The following NEXMIF variants were observed in gnomAD, a reference collection of about 807,000 sequenced individuals.
The protein encoded by NEXMIF is neurite extension and migration factor.
In NEXMIF, 8 loss-of-function variants were observed where a neutral mutation model predicts 62.1. That is an observed-to-expected ratio of 0.13 (90% confidence interval 0.08 to 0.23). NEXMIF has a LOEUF of 0.23. Among genes scored for constraint, NEXMIF ranks in the 10% least tolerant of loss-of-function variants. The pLI is 1.00. For synonymous variants in NEXMIF, 404 were observed against 416.6 expected, an observed-to-expected ratio of 0.97 and a Z score of 0.37; for missense variants, 976 against 1,113.3, an observed-to-expected ratio of 0.88 and a Z score of 1.75.
At chrX:74,852,262 G>T (rs1489010152) in intron 1 of NEXMIF, among the ~76,000 whole-genome samples, 3 of 111,530 alleles carry the variant, frequency 2.7e-5, no homozygotes, top group Admixed American at 9.5e-5. Context: ...TTCAGCAAGA[G>T]AATATAACAA....
At chrX:74,856,597 A>C (rs1018869712) in intron 1 of NEXMIF, among the ~76,000 whole-genome samples, 2 of 111,713 alleles carry the variant, frequency 1.8e-5, no homozygotes, top group African/African-American at 6.5e-5. Context: ...AGGGCAGAGC[A>C]AGATGGCTGA....
At chrX:74,846,541 T>C (rs1386110811) in intron 1 of NEXMIF, among the ~76,000 whole-genome samples, 2 of 112,217 alleles carry the variant, frequency 1.8e-5, no homozygotes, top group Non-Finnish European at 3.8e-5. Context: ...CATATGAGAA[T>C]GACAGAAGAA....
At chrX:74,816,762 A>T (rs1320094923) in intron 1 of NEXMIF, among the ~76,000 whole-genome samples, 5 of 111,899 alleles carry the variant, frequency 4.5e-5, no homozygotes, top group Non-Finnish European at 9.4e-5. Context: ...GTATGAAGGG[A>T]TGACAGGAAA....
At chrX:74,779,021 T>C (rs758796029) in intron 1 of NEXMIF, among the ~76,000 whole-genome samples, 1 of 112,286 alleles carries the variant, frequency 8.9e-6, no homozygotes, top group African/African-American at 3.2e-5. Context: ...AAATGCTGGG[T>C]CCTCCAGCTC....
chrX:74,741,698 C>T lies in NEXMIF; in HGVS notation c.2859G>A (p.Met953Ile), dbSNP rs2080104603. The change falls in exon 3 of 4, where the codon ATG becomes ATA. Residue 953 changes from methionine to isoleucine, a missense_variant. Around this residue, in one of 5 missense-constraint regions of NEXMIF, gnomAD observed 639 missense variants for 694.5 expected, o/e 0.92. Transcript: ENST00000055682. The stretch of plus-strand genomic sequence containing the variant: ...CATCAGATGGGAGTTGGGTATCTTG[C>T]ATGGAGTCATACAGGACCTTGTTGC... ...SNCNKVLYDSMQDTQLPSDDS... is the reference protein window; with the variant it reads ...SNCNKVLYDSIQDTQLPSDDS... 2 of 1,209,941 alleles carry T rather than the reference C, an allele frequency of 1.7e-6. No individual in the cohort carries two copies. The highest frequency in any genetic ancestry group is 3.5e-5 in the African/African-American group (2 of 57,167).
At chrX:74,816,150 C>T (rs189883772) in intron 1 of NEXMIF, among the ~76,000 whole-genome samples, 2 of 111,965 alleles carry the variant, frequency 1.8e-5, no homozygotes, top group East Asian at 5.6e-4. Context: ...TAGCTCACAA[C>T]AACCTCTTTC....
chrX:74,835,987 C>T (rs978731788), intron 1 of NEXMIF, among the ~76,000 whole-genome samples: 2 of 112,558 alleles, frequency 1.8e-5, no homozygotes, highest in African/African-American at 6.5e-5. Context: ...GTGCTAAAAC[C>T]ATGACATGCA....
rs774266561 is a variant in NEXMIF at position 74,741,488 on chromosome X, A to G, written c.3069T>C (p.Thr1023=). Residue 1023 remains threonine (T), a synonymous_variant, in exon 3 of 4, where the codon ACT becomes ACC. Coordinates refer to ENST00000055682, the MANE Select transcript of NEXMIF (RefSeq NM_001008537.3). The part of the protein sequence containing the change: ...SCEKDGDDDI[T]DDFLAHCSPK... ...GGCTGCAATGGGCCAGGAAGTCATC[A>G]GTGATATCATCATCGCCATCCTTTT... 8.3e-7 allele frequency: 1 copy of G among 1,211,700 alleles called. No homozygotes were observed. Among genetic ancestry groups the G allele is most frequent in the East Asian group, 3.0e-5 (1 of 33,832 alleles).
intron 1 of NEXMIF, among the ~76,000 whole-genome samples, chrX:74,892,129 G>C (rs906659001): frequency 1.2e-4 from 13 of 112,429 alleles, no homozygotes; most frequent in Non-Finnish European, 1.1e-4. Context: ...GTTCTGTAAG[G>C]TTGTTTAATG....
intron 1 of NEXMIF, among the ~76,000 whole-genome samples, chrX:74,865,532 T>G (rs2147501653): frequency 8.9e-6 from 1 of 112,095 alleles, no homozygotes; most frequent in African/African-American, 3.2e-5. Flanking sequence ...CCTGCAGAAA[T>G]TTGCATAAAT....
chrX:74,803,488 A>C (rs2080336031), intron 1 of NEXMIF, among the ~76,000 whole-genome samples: 1 of 111,306 alleles, frequency 9.0e-6, no homozygotes, highest in African/African-American at 3.3e-5. Flanking sequence ...GAACGACGTG[A>C]ACCCAGGAGG....
At chrX:74,887,361 G>A (rs1324985370) in intron 1 of NEXMIF, among the ~76,000 whole-genome samples, 4 of 110,810 alleles carry the variant, frequency 3.6e-5, no homozygotes, top group Non-Finnish European at 3.8e-5. Context: ...GAGTGAACAG[G>A]CAACCTACAG....
chrX:74,745,764 C>A, intron 1 of NEXMIF, 67 bp from the exon 2 acceptor site: 1 of 512,861 alleles, frequency 1.9e-6, no homozygotes, highest in Non-Finnish European at 3.3e-6. Context: ...TAGGTTATTT[C>A]AGCTAGAGGG....
intron 1 of NEXMIF, among the ~76,000 whole-genome samples, chrX:74,883,664 G>A (rs990866176): frequency 1.8e-4 from 20 of 112,075 alleles, no homozygotes; most frequent in Admixed American, 2.8e-4. Context: ...CCAAATCTAC[G>A]TCTAATTGGT....
intron 1 of NEXMIF, among the ~76,000 whole-genome samples, chrX:74,888,817 G>T (rs2080707191): frequency 8.9e-6 from 1 of 111,917 alleles, no homozygotes; most frequent in Non-Finnish European, 1.9e-5. Context: ...TAGACGAATA[G>T]TTCATTGTTC....
intron 1 of NEXMIF, among the ~76,000 whole-genome samples, chrX:74,880,732 G>A: frequency 8.9e-6 from 1 of 111,991 alleles, no homozygotes; most frequent in East Asian, 2.8e-4. Context: ...CATACAAAAT[G>A]AAAGGGGCTT....
At chrX:74,877,216 A>G (rs367937162) in intron 1 of NEXMIF, among the ~76,000 whole-genome samples, 19 of 110,545 alleles carry the variant, frequency 1.7e-4, no homozygotes, top group East Asian at 2.8e-4. Context: ...GCATTTGCTT[A>G]TCTGTAAAGT....
intron 1 of NEXMIF, among the ~76,000 whole-genome samples, chrX:74,911,948 C>T (rs990644592): frequency 4.5e-5 from 5 of 112,119 alleles, no homozygotes; most frequent in Non-Finnish European, 9.4e-5. Context: ...TAAATACAAG[C>T]ACATTAGGAT....
At chrX:74,922,692 T>C (rs746509967) in intron 1 of NEXMIF, among the ~76,000 whole-genome samples, 9 of 111,725 alleles carry the variant, frequency 8.1e-5, no homozygotes, top group Non-Finnish European at 1.5e-4. Context: ...AATTTCTGGC[T>C]AAAATCACAC....
Sources: allele counts gnomAD v4.1 joint callset (sites outside exome capture counted in the v4.1 genomes callset), GRCh38; gene constraint gnomAD v4.1.1; regional missense constraint gnomAD v4.1.1; transcripts MANE v1.5; gene names NCBI Gene and HGNC (gene_info 2026-07-23, HGNC 2026-07-21).